FAH: variants seen among roughly 807,000 people sequenced by gnomAD.
FAH encodes fumarylacetoacetase.
Under a neutral mutation model 55.8 loss-of-function variants are expected in FAH, and 47 were observed. The observed-to-expected ratio is 0.84, with a 90% CI of 0.67 to 1.07. The LOEUF is 1.07. Ranked by LOEUF, FAH falls within the 50% of genes least tolerant of loss-of-function variation. The probability of loss-of-function intolerance (pLI) is 0.00; values close to 1 mark genes in which losing one functional copy is unlikely to be tolerated. For synonymous variants in FAH, 199 were observed against 207.7 expected (o/e 0.96, Z 0.36); for missense variants, 495 against 545.9 (o/e 0.91, Z 0.93).
At chr15:80,164,141 G>A (rs772242290) in intron 5 of FAH, among the ~76,000 whole-genome samples, 5 of 152,128 alleles carry the variant, frequency 3.3e-5, no homozygotes, top group Non-Finnish European at 5.9e-5. Flanking sequence ...TTCTAGTTCC[G>A]GAGGCCAGAA....
intron 5 of FAH, among the ~76,000 whole-genome samples, chr15:80,166,658 A>G (rs576253214): frequency 3.4e-4 from 39 of 116,004 alleles, no homozygotes; most frequent in African/African-American, 1.3e-3. Context: ...TTTTTTTGAG[A>G]CAGAGTCTTG....
At chr15:80,173,681 G>C (rs146384014) in intron 9 of FAH, 1 of 236,592 alleles carries the variant, frequency 4.2e-6, no homozygotes, top group Non-Finnish European at 8.5e-6. Flanking sequence ...GCAACACCTG[G>C]CCAGAGTCAC....
intron 13 of FAH, among the ~76,000 whole-genome samples, chr15:80,183,378 G>A (rs557628434): frequency 3.3e-5 from 5 of 152,352 alleles, no homozygotes; most frequent in African/African-American, 1.2e-4. Context: ...GCTAGAATTT[G>A]GGCTAAGCAG....
intron 5 of FAH, 59 bp downstream of exon 5, chr15:80,162,395 C>A: frequency 6.8e-7 from 1 of 1,473,202 alleles, no homozygotes; most frequent in Non-Finnish European, 9.5e-7. Flanking sequence ...TTTCCAGCAG[C>A]ATATTTGTCT....
At chr15:80,162,538 G>A (rs2041158266) in intron 5 of FAH, 2 of 634,760 alleles carry the variant, frequency 3.2e-6, no homozygotes, top group South Asian at 1.8e-5. Context: ...GGGATCGAAG[G>A]GCAAGTCCCT....
intron 4 of FAH, 33 bp from the exon 5 acceptor site, chr15:80,162,213 G>A: frequency 6.4e-7 from 1 of 1,550,722 alleles, no homozygotes; most frequent in Non-Finnish European, 8.9e-7. Context: ...CATGTGGGTT[G>A]CTGATGGGAT....
intron 7 of FAH, among the ~76,000 whole-genome samples, chr15:80,171,249 C>A (rs557760116): frequency 1.3e-5 from 2 of 151,972 alleles, no homozygotes; most frequent in African/African-American, 4.8e-5. Context: ...CCCTCTTCCC[C>A]CCACCCCACA....
chr15:80,172,270 C>A, intron 8 of FAH, 22 bp downstream of exon 8: 2 of 1,555,306 alleles, frequency 1.3e-6, no homozygotes, highest in Non-Finnish European at 1.8e-6. Flanking sequence ...AGCTCTGCTC[C>A]TGTAGAGATG....
rs575749752 is a variant in FAH at position 80,174,940 on chromosome 15, T to C, written c.838-76T>C. ...AGGGGAGCAGGTGCTGCTGGGGGCCTGGCTGGTATGGGGGCCCAGCCGGGT... is the reference window on the plus strand; with the variant it reads ...AGGGGAGCAGGTGCTGCTGGGGGCCCGGCTGGTATGGGGGCCCAGCCGGGT... On this transcript the variant is annotated intron_variant, in intron 9 of 13. Transcript: ENST00000561421. 292 of 1,239,514 alleles carry C rather than the reference T, an allele frequency of 2.4e-4. No individual in the cohort carries two copies. In the African/African-American group the frequency reaches 3.3e-3, roughly 14 times the overall value. The allele number at this position is 1,239,514 out of a possible 1,614,324, so 76.8% of individuals were successfully genotyped here. A position where few individuals can be genotyped will look rare whatever the true frequency, so the allele number is the denominator to read the frequency against.
intron 9 of FAH, among the ~76,000 whole-genome samples, chr15:80,173,964 C>A (rs1426683837): frequency 6.6e-6 from 1 of 152,184 alleles, no homozygotes; most frequent in Non-Finnish European, 1.5e-5. Context: ...GCTGGTCCTG[C>A]ACCCACACTG....
At chr15:80,175,916 C>T (rs1039032451) in intron 10 of FAH, among the ~76,000 whole-genome samples, 4 of 152,352 alleles carry the variant, frequency 2.6e-5, no homozygotes, top group Middle Eastern at 3.4e-3. Context: ...CGGGGGCCCT[C>T]GGATGGGGAG....
intron 5 of FAH, among the ~76,000 whole-genome samples, chr15:80,164,944 C>T (rs2142095636): frequency 6.6e-6 from 1 of 152,322 alleles, no homozygotes; most frequent in South Asian, 2.1e-4. Context: ...AAAACGAGGG[C>T]ATGCTGAAAT....
chr15:80,158,159 G>T lies in FAH; in HGVS notation c.181G>T (p.Val61Phe), dbSNP rs151264725. The stretch of plus-strand genomic sequence containing the variant: ...TCCTGTCCTCTCCAAACACCAGGAT[G>T]TCTTCAATCAGGTAGGACATTGTGA... The part of the protein sequence containing the change: ...TGPVLSKHQD[V>F]FNQPTLNSFM... Residue 61 changes from valine to phenylalanine, a missense_variant, in exon 2 of 14, where the codon GTC becomes TTC. By Grantham distance (50) the Val-to-Phe change is conservative. Transcript: ENST00000561421. The T allele has an allele frequency of 4.3e-4, 697 of 1,612,050 alleles. 7 individuals carry two copies. In the East Asian group the frequency reaches 0.014, roughly 33 times the overall value.
At chr15:80,186,374 C>T (rs983646199), downstream of FAH, 1 of 696,726 alleles carries the variant, frequency 1.4e-6, no homozygotes, top group South Asian at 1.5e-5. Flanking sequence ...CACTTATGAT[C>T]GTGATTTGAT....
chr15:80,180,380 G>T (rs1014340642), intron 12 of FAH, 155 bp downstream of exon 12: 25 of 660,526 alleles, frequency 3.8e-5, no homozygotes, highest in Non-Finnish European at 4.6e-5. Flanking sequence ...CTCTCTGGGT[G>T]CAGGAGGGAC....
chr15:80,182,575 A>G (rs538729191), intron 13 of FAH, among the ~76,000 whole-genome samples: 1 of 152,344 alleles, frequency 6.6e-6, no homozygotes, highest in South Asian at 2.1e-4. Context: ...TTTACTGAAC[A>G]TCTGCTAGGA....
At position 80,175,004 on chromosome 15, in the gene FAH, T is replaced by G; in HGVS notation, c.838-12T>G. On this transcript the variant is annotated splice_polypyrimidine_tract_variant and intron_variant, in intron 9 of 13. Coordinates refer to ENST00000561421, the MANE Select transcript of FAH (RefSeq NM_000137.4). ...CTGCCAGTGACCTCTGTGCTGTGCT[T>G]TGCCCTCTCAGGACCCCAGGCCCCT... 1 of 1,613,736 alleles carries G rather than the reference T, an allele frequency of 6.2e-7. No individual in the cohort carries two copies. The highest frequency in any genetic ancestry group is 1.1e-5 in the South Asian group (1 of 91,066).
intron 1 of FAH, chr15:80,157,788 G>A (rs2041111342): frequency 3.9e-6 from 2 of 509,182 alleles, no homozygotes; most frequent in Admixed American, 3.2e-5. Flanking sequence ...AAGTGGCTAG[G>A]ACCAGGCTGA....
intron 2 of FAH, 97 bp downstream of exon 2, chr15:80,158,267 A>G: frequency 1.1e-6 from 1 of 909,482 alleles, no homozygotes; most frequent in South Asian, 1.3e-5. Context: ...CGATAGAGGT[A>G]ATGCCATCGA....
Sources: gnomAD v4.1 joint callset for allele counts (sites outside exome capture counted in the v4.1 genomes callset) on GRCh38, gnomAD v4.1.1 for gene constraint, MANE v1.5 for transcripts, NCBI Gene and HGNC (gene_info 2026-07-23, HGNC 2026-07-21) for gene names.